BCL11B: variants seen among roughly 807,000 people sequenced by gnomAD.
The protein encoded by BCL11B is B-cell lymphoma/leukemia 11B.
In BCL11B, 8 loss-of-function variants were observed where a neutral mutation model predicts 49.9. The observed-to-expected ratio is 0.16, with a 90% confidence interval of 0.09 to 0.29. BCL11B has a LOEUF of 0.29. BCL11B is among the 10% of genes least tolerant of loss of function. The pLI, the probability that BCL11B is intolerant of heterozygous loss-of-function variation, is 1.00. For synonymous variants in BCL11B, 739 were observed against 637.4 expected, an observed-to-expected ratio of 1.16 and a Z score of -2.40; for missense variants, 1,006 against 1,351.0, an observed-to-expected ratio of 0.74 and a Z score of 4.00.
chr14:99,231,207 C>T lies in BCL11B; in HGVS notation c.640+138G>A. On this transcript the variant is annotated intron_variant, in intron 3 of 3. Transcript: ENST00000357195. This position sits in a 1 kb window ranked among gnomAD's most constrained non-coding sequence, Gnocchi z 8.1. ...CTCATAGTTCAGCGAACATTCTTTA[C>T]CACTTCCCCTGGCACCCCAAAAAGC... is the stretch of plus-strand genomic sequence containing the variant. 2.1e-6 allele frequency: 2 copies of T among 949,684 alleles called. No individual in the cohort carries two copies. Among genetic ancestry groups the T allele is most frequent in the South Asian group, 3.4e-5 (2 of 59,620 alleles). The allele number at this position is 949,684 out of a possible 1,614,324, so 58.8% of individuals were successfully genotyped here.
rs1397845342 is a variant in BCL11B at position 99,173,559 on chromosome 14, A to AC, written c.*591_*592insG. 1.4e-4 allele frequency: 25 copies of AC among 178,008 alleles called. No homozygotes were observed. Among genetic ancestry groups the AC allele is most frequent in the Non-Finnish European group, 8.2e-5 (7 of 85,480 alleles). 11.0% of individuals were successfully genotyped at this position (178,008 alleles called of 1,614,324 possible). A position where few individuals can be genotyped will look rare whatever the true frequency, so the allele number is the denominator to read the frequency against. On this transcript the variant is annotated 3_prime_UTR_variant, in exon 4 of 4. Transcript: ENST00000357195. ...CCCACCCCAAAAACAAAAACCAAAA[A>AC]AAAAATTAAAAAATAATTAAAAAAA...
chr14:99,209,554 C>T (rs934834148), intron 3 of BCL11B, among the ~76,000 whole-genome samples: 5 of 152,160 alleles, frequency 3.3e-5, no homozygotes, highest in East Asian at 1.9e-4. Context: ...GCGCCCAGCA[C>T]GACCTCAGCA....
chr14:99,183,443 A>G (rs1005508218), intron 3 of BCL11B, among the ~76,000 whole-genome samples: 1 of 152,106 alleles, frequency 6.6e-6, no homozygotes, highest in Admixed American at 6.5e-5. Context: ...GTTGCACTTC[A>G]GGACTGCCAG....
Position 99,172,369 on chromosome 14 carries a change from G to A in BCL11B, c.*1782C>T. 4.5e-6 allele frequency: 1 copy of A among 221,716 alleles called. No homozygotes were observed. The highest frequency in any genetic ancestry group is 9.0e-6 in the Non-Finnish European group (1 of 110,858). The allele number at this position is 221,716 out of a possible 1,614,324, so 13.7% of individuals were successfully genotyped here. The stretch of plus-strand genomic sequence containing the variant: ...ATTTCTTCATTTGATTGGGTCTTAT[G>A]GCATTTCATATCCTCTATCTTCAAC... On this transcript the variant is annotated 3_prime_UTR_variant, in exon 4 of 4. Transcript: ENST00000357195.
chr14:99,257,905 C>T lies in BCL11B; in HGVS notation c.59-66G>A. ...GAGATGGGCTTAGGCGGTCACAGCA[C>T]CCAACTTCCGGTCCACCCCTTCCCC... On this transcript the variant is annotated intron_variant, in intron 1 of 3. Coordinates refer to ENST00000357195, the MANE Select transcript of BCL11B (RefSeq NM_138576.4). This position sits in a 1 kb window ranked among gnomAD's most constrained non-coding sequence, Gnocchi z 6.2. 4.9e-6 allele frequency: 7 copies of T among 1,432,206 alleles called. No individual in the cohort carries two copies. The highest frequency in any genetic ancestry group is 6.4e-6 in the Non-Finnish European group (7 of 1,089,780). 88.7% of individuals were successfully genotyped at this position (1,432,206 alleles called of 1,614,324 possible). A position where few individuals can be genotyped will look rare whatever the true frequency, so the allele number is the denominator to read the frequency against.
chr14:99,229,355 C>T (rs1888261355), intron 3 of BCL11B, among the ~76,000 whole-genome samples: 1 of 151,584 alleles, frequency 6.6e-6, no homozygotes, highest in African/African-American at 2.4e-5. Context: ...TGAGGACTTG[C>T]TGATGGCAGA....
intron 3 of BCL11B, among the ~76,000 whole-genome samples, chr14:99,225,615 G>A (rs1264829425): frequency 1.3e-5 from 2 of 151,786 alleles, no homozygotes; most frequent in Non-Finnish European, 2.9e-5. Context: ...GTGCTAAACA[G>A]CCAAACTCCT....
At chr14:99,199,593 C>A (rs1887281009) in intron 3 of BCL11B, among the ~76,000 whole-genome samples, 1 of 150,710 alleles carries the variant, frequency 6.6e-6, no homozygotes, top group South Asian at 2.1e-4. Flanking sequence ...ATAATTGATT[C>A]TTTTTGACTG....
rs377533759 is a variant in BCL11B at position 99,184,705 on chromosome 14, G to A, written c.641-8510C>T. ...TGAGCCAGCCCTGTCTAATCATTCC[G>A]CCTGCACCTGGGATTGCCAGCAAGC... On this transcript the variant is annotated intron_variant, in intron 3 of 3. Transcript: ENST00000357195. This position sits in a 1 kb window ranked among gnomAD's most constrained non-coding sequence, Gnocchi z 6.1. 7.2e-5 allele frequency among the ~76,000 whole-genome samples: 11 copies of A among 152,266 alleles called. No homozygotes were observed. The highest frequency in any genetic ancestry group is 2.4e-4 in the African/African-American group (10 of 41,542).
chr14:99,249,327 A>G (rs1031893889), intron 2 of BCL11B, among the ~76,000 whole-genome samples: 1 of 152,170 alleles, frequency 6.6e-6, no homozygotes, highest in Non-Finnish European at 1.5e-5. Flanking sequence ...GTACATGTGC[A>G]GGGTGTGCAG....
Position 99,213,093 on chromosome 14 carries a change from G to A in BCL11B, c.640+18252C>T, listed in dbSNP as rs1460112064. On this transcript the variant is annotated intron_variant, in intron 3 of 3. Coordinates refer to ENST00000357195, the MANE Select transcript of BCL11B (RefSeq NM_138576.4). This position sits in a 1 kb window ranked among gnomAD's most constrained non-coding sequence, Gnocchi z 5.1. Reference sequence around the variant, plus strand: ...TAGACCCTGTGCCAGTGCAGAGTGGGGGACCTACTGCCATCTGCTTAAAAC... The same window carrying A: ...TAGACCCTGTGCCAGTGCAGAGTGGAGGACCTACTGCCATCTGCTTAAAAC... Among the ~76,000 whole-genome samples the A allele has an allele frequency of 1.3e-5, 2 of 152,224 alleles. No homozygotes were observed. Among genetic ancestry groups the A allele is most frequent in the Non-Finnish European group, 2.9e-5 (2 of 68,044 alleles).
chr14:99,183,347 C>T (rs1886763662), intron 3 of BCL11B, among the ~76,000 whole-genome samples: 1 of 152,140 alleles, frequency 6.6e-6, no homozygotes, highest in South Asian at 2.1e-4. Flanking sequence ...ATTCATCTTC[C>T]AGACTCCAAG....
chr14:99,185,741 G>A (rs1886834938), intron 3 of BCL11B, among the ~76,000 whole-genome samples: 3 of 151,686 alleles, frequency 2.0e-5, no homozygotes, highest in South Asian at 4.2e-4. Flanking sequence ...CCTTACTCCC[G>A]CACACTCGCC....
At chr14:99,179,192 G>A (rs1886625518) in intron 3 of BCL11B, among the ~76,000 whole-genome samples, 1 of 152,170 alleles carries the variant, frequency 6.6e-6, no homozygotes, top group Non-Finnish European at 1.5e-5. Context: ...AAATGCTTCT[G>A]GCTGGGCACG....
chr14:99,237,086 A>G (rs1395096932), intron 2 of BCL11B, among the ~76,000 whole-genome samples: 4 of 149,880 alleles, frequency 2.7e-5, no homozygotes, highest in Admixed American at 1.3e-4. Flanking sequence ...GTAGAGGGGG[A>G]GTGGCTGAGA....
At chr14:99,185,554 G>C (rs1373181802) in intron 3 of BCL11B, among the ~76,000 whole-genome samples, 15 of 151,948 alleles carry the variant, frequency 9.9e-5, no homozygotes, top group Non-Finnish European at 1.9e-4. Context: ...AGCTGTGTGA[G>C]CACACTCAAG....
intron 3 of BCL11B, among the ~76,000 whole-genome samples, chr14:99,217,119 C>T (rs1375370703): frequency 6.6e-6 from 1 of 152,146 alleles, no homozygotes; most frequent in African/African-American, 2.4e-5. Flanking sequence ...AATACACATA[C>T]ACATATGTGC....
rs957926047 is a variant in BCL11B at position 99,194,562 on chromosome 14, G to A, written c.641-18367C>T. Among the ~76,000 whole-genome samples, 1 of 152,222 alleles carries A rather than the reference G, an allele frequency of 6.6e-6. No individual in the cohort carries two copies. Among genetic ancestry groups the A allele is most frequent in the African/African-American group, 2.4e-5 (1 of 41,466 alleles). ...CTATGACTCGGCAGTTATTAGCTGGGCAACCCTGGGGAAGGTGCTTAACTT... is the reference window on the plus strand; with the variant it reads ...CTATGACTCGGCAGTTATTAGCTGGACAACCCTGGGGAAGGTGCTTAACTT... On this transcript the variant is annotated intron_variant, in intron 3 of 3. Transcript: ENST00000357195. This position sits in a 1 kb window ranked among gnomAD's most constrained non-coding sequence, Gnocchi z 4.6.
At chr14:99,222,632 C>T (rs946182132) in intron 3 of BCL11B, among the ~76,000 whole-genome samples, 1 of 152,160 alleles carries the variant, frequency 6.6e-6, no homozygotes, top group Admixed American at 6.5e-5. Context: ...GACTGAGGAT[C>T]GGTGACTTTG....
Sources: allele counts gnomAD v4.1 joint callset (sites outside exome capture counted in the v4.1 genomes callset), GRCh38; gene constraint gnomAD v4.1.1; non-coding constraint Gnocchi (gnomAD v3.1); transcripts MANE v1.5; gene names NCBI Gene and HGNC (gene_info 2026-07-23, HGNC 2026-07-21).